TOP6BL: variants seen among roughly 807,000 people sequenced by gnomAD.
TOP6BL encodes TOP6B like initiator of meiotic double strand breaks.
At chr11:66,750,947 C>T in the TOP6BL span, among the ~76,000 whole-genome samples, 1 of 151,926 alleles carries the variant, frequency 6.6e-6, no homozygotes. Context: ...TCAAGCAGTC[C>T]TCTCACTTTG....
At chr11:66,802,198 CGCCCAG>C in the TOP6BL span, among the ~76,000 whole-genome samples, 2 of 151,412 alleles carry the variant, frequency 1.3e-5, no homozygotes, top group Non-Finnish European at 2.9e-5. Flanking sequence ...CTCGCTCTTT[CGCCCAG>C]GCTGGAGTGC....
the TOP6BL span, among the ~76,000 whole-genome samples, chr11:66,830,145 C>T: frequency 6.6e-6 from 1 of 152,156 alleles, no homozygotes; most frequent in Non-Finnish European, 1.5e-5. Flanking sequence ...CAAGATAGAA[C>T]ATATTCTAAG....
chr11:66,764,761 C>T, the TOP6BL span, among the ~76,000 whole-genome samples: 731 of 151,624 alleles, frequency 4.8e-3, 6 homozygotes, highest in African/African-American at 0.016. Context: ...GCAGATTGCT[C>T]GAGCCTTGGG....
chr11:66,821,653 T>G, the TOP6BL span: 1 of 1,607,508 alleles, frequency 6.2e-7, no homozygotes, highest in African/African-American at 1.3e-5. Flanking sequence ...GAGTCTATAC[T>G]TTGCTCACAA....
chr11:66,773,247 T>C, the TOP6BL span, among the ~76,000 whole-genome samples: 1 of 151,762 alleles, frequency 6.6e-6, no homozygotes, highest in African/African-American at 2.4e-5. Flanking sequence ...AGAGACAGGG[T>C]CTCACTGTGT....
the TOP6BL span, among the ~76,000 whole-genome samples, chr11:66,772,866 G>T: frequency 3.3e-5 from 5 of 152,110 alleles, no homozygotes; most frequent in African/African-American, 7.2e-5. Flanking sequence ...AGTAATACTG[G>T]CCTCATAGAA....
the TOP6BL span, among the ~76,000 whole-genome samples, chr11:66,836,451 C>T: frequency 7.9e-5 from 12 of 151,604 alleles, no homozygotes; most frequent in Non-Finnish European, 1.2e-4. Context: ...TTTTGTGATC[C>T]GCCCACCTCG....
At chr11:66,824,168 T>A in the TOP6BL span, among the ~76,000 whole-genome samples, 1 of 152,102 alleles carries the variant, frequency 6.6e-6, no homozygotes, top group Non-Finnish European at 1.5e-5. Context: ...GAACTGATAA[T>A]ATTAGGAGGT....
the TOP6BL span, among the ~76,000 whole-genome samples, chr11:66,759,667 T>G: frequency 2.6e-5 from 4 of 152,170 alleles, no homozygotes; most frequent in Admixed American, 2.0e-4. Context: ...CACTGCAACC[T>G]CTGCCTCCTG....
chr11:66,811,698 G>A, the TOP6BL span, among the ~76,000 whole-genome samples: 2 of 152,180 alleles, frequency 1.3e-5, no homozygotes, highest in African/African-American at 4.8e-5. Context: ...ATAAGTTAAA[G>A]TTGTATACTA....
At chr11:66,759,611 TCTCA>T in the TOP6BL span, among the ~76,000 whole-genome samples, 12 of 152,074 alleles carry the variant, frequency 7.9e-5, no homozygotes, top group Non-Finnish European at 1.2e-4. Flanking sequence ...TGAGACGGAG[TCTCA>T]CTCTGTCACC....
At chr11:66,841,380 T>C in the TOP6BL span, among the ~76,000 whole-genome samples, 1 of 151,958 alleles carries the variant, frequency 6.6e-6, no homozygotes, top group Non-Finnish European at 1.5e-5. Context: ...CCCCCCAAAG[T>C]GCTGGGATTA....
the TOP6BL span, among the ~76,000 whole-genome samples, chr11:66,754,403 A>AT: frequency 2.6e-5 from 4 of 152,082 alleles, no homozygotes; most frequent in Non-Finnish European, 5.9e-5. Context: ...GTATATAAAG[A>AT]TTTTTTTAAA....
chr11:66,795,702 A>ATT, the TOP6BL span, among the ~76,000 whole-genome samples: 322 of 144,558 alleles, frequency 2.2e-3, no homozygotes, highest in African/African-American at 7.6e-3. Context: ...CAGAGCAGTG[A>ATT]TTTTTTTTTT....
At chr11:66,748,315 G>T in the TOP6BL span, 54 of 1,271,934 alleles carry the variant, frequency 4.2e-5, no homozygotes, top group Admixed American at 1.9e-4. Flanking sequence ...CTGGGTCATA[G>T]AGATGTATTA....
At chr11:66,843,152 C>A in the TOP6BL span, 3 of 1,610,396 alleles carry the variant, frequency 1.9e-6, no homozygotes, top group African/African-American at 4.0e-5. Flanking sequence ...TCACCCCGGG[C>A]CCCCTTGTTC....
At chr11:66,827,841 T>G in the TOP6BL span, among the ~76,000 whole-genome samples, 1 of 151,720 alleles carries the variant, frequency 6.6e-6, no homozygotes, top group African/African-American at 2.4e-5. Context: ...GGTGCATGCC[T>G]GTAGTCCCAG....
chr11:66,822,679 G>C, the TOP6BL span: 3 of 1,529,506 alleles, frequency 2.0e-6, no homozygotes, highest in Non-Finnish European at 2.7e-6. Flanking sequence ...CTTCAAGTTA[G>C]TAGGAGATTG....
the TOP6BL span, among the ~76,000 whole-genome samples, chr11:66,833,167 G>A: frequency 6.4e-4 from 96 of 149,686 alleles, no homozygotes; most frequent in Non-Finnish European, 1.2e-3. Context: ...TCCTGCCTCA[G>A]CCTCCCGAGT....
Sources: gnomAD v4.1 joint callset for allele counts (sites outside exome capture counted in the v4.1 genomes callset) on GRCh38, gnomAD v4.1.1 for gene constraint, MANE v1.5 for transcripts, NCBI Gene and HGNC (gene_info 2026-07-23, HGNC 2026-07-21) for gene names.